Variants in CDC7 observed in about 807,000 individuals in gnomAD.
CDC7 encodes the protein cell division cycle 7, also known as cell division cycle 7-related protein kinase.
A neutral mutation model predicts 53.5 loss-of-function variants in CDC7; 34 were observed. The observed-to-expected ratio is 0.64, with a 90% CI of 0.48 to 0.85. CDC7 has a LOEUF of 0.85. CDC7 is among the 40% of genes least tolerant of loss of function. CDC7 has a pLI of 0.00. For synonymous variants in CDC7, 211 were observed against 222.8 expected (o/e 0.95, Z 0.47); for missense variants, 594 against 679.7 (o/e 0.87, Z 1.40).
intron 1 of CDC7, chr1:91,501,435 C>T (rs1666667518): frequency 2.9e-6 from 1 of 341,132 alleles, no homozygotes. Flanking sequence ...GCGCGGGTGC[C>T]CAAGCCGGGA....
At chr1:91,516,531 A>G (rs953394913) in intron 10 of CDC7, among the ~76,000 whole-genome samples, 2 of 152,208 alleles carry the variant, frequency 1.3e-5, no homozygotes, top group African/African-American at 2.4e-5. Flanking sequence ...ACAAATAAAT[A>G]AATGAGACCA....
Position 91,513,151 on chromosome 1 carries a change from G to T in CDC7, c.666G>T (p.Arg222Ser). 1 of 1,613,660 alleles carries T rather than the reference G, an allele frequency of 6.2e-7. No individual in the cohort carries two copies. Among genetic ancestry groups the T allele is most frequent in the South Asian group, 1.1e-5 (1 of 91,058 alleles). The part of the protein sequence containing the change: ...KFVQSEAQQE[R>S]CSQNKSHIIT... Reference sequence around the variant, plus strand: ...TCCAGTCTGAAGCTCAGCAGGAAAGGTGTTCACAAAACAAATCCCACATAA... The same window carrying T: ...TCCAGTCTGAAGCTCAGCAGGAAAGTTGTTCACAAAACAAATCCCACATAA... The change falls in exon 7 of 12, where the codon AGG becomes AGT. Residue 222 changes from arginine to serine, a missense_variant. Transcript: ENST00000234626.
chr1:91,516,381 C>T (rs1667560613), intron 10 of CDC7, among the ~76,000 whole-genome samples: 1 of 152,038 alleles, frequency 6.6e-6, no homozygotes, highest in Non-Finnish European at 1.5e-5. Flanking sequence ...AAAATGTCTT[C>T]CGTAATCTAA....
intron 2 of CDC7, 96 bp downstream of exon 2, chr1:91,501,927 TAAAGTGAA>T: frequency 2.3e-6 from 2 of 887,684 alleles, no homozygotes; most frequent in Non-Finnish European, 3.6e-6. Context: ...TTGAATCTTA[TAAAGTGAA>T]TTGTATGTTT....
In CDC7 at chr1:91,508,274, C is replaced by G. The variant is rs201145139; in HGVS notation, c.212C>G (p.Ser71Cys). Reference sequence around the variant, plus strand: ...AATTGTTTTACAGGCACTTTCAGCTCTGTTTATTTGGCCACAGCACAGTTA... The same window carrying G: ...AATTGTTTTACAGGCACTTTCAGCTGTGTTTATTTGGCCACAGCACAGTTA... ...EDKIGEGTFS[S>C]VYLATAQLQV... is the part of the protein sequence containing the mutation. The change falls in exon 4 of 12, where the codon TCT (serine) becomes TGT (cysteine). Residue 71 changes from serine to cysteine, a missense_variant. Transcript: ENST00000234626. 108 of 1,597,416 alleles carry G rather than the reference C, an allele frequency of 6.8e-5. No individual in the cohort carries two copies. In the Middle Eastern group the frequency reaches 1.2e-3, roughly 17 times the overall value.
rs1668221629 is a variant in CDC7 at position 91,525,504 on chromosome 1, A to G, written c.*1069A>G. The G allele has an allele frequency of 6.6e-6, 1 of 152,268 alleles. No homozygotes were observed. The highest frequency in any genetic ancestry group is 6.5e-5 in the Admixed American group (1 of 15,298). The allele number at this position is 152,268 out of a possible 1,614,324, so 9.4% of individuals were successfully genotyped here. A position where few individuals can be genotyped will look rare whatever the true frequency, so the allele number is the denominator to read the frequency against. ...GGTATATATCAATGACAGCATATCA[A>G]ACTTCCTATGGGAAAAAGTCTGGTG... On this transcript the variant is annotated 3_prime_UTR_variant, in exon 12 of 12. Transcript: ENST00000234626.
chr1:91,507,974 T>C (rs1453058452), intron 3 of CDC7, 37 bp downstream of exon 3: 5 of 1,514,646 alleles, frequency 3.3e-6, no homozygotes, highest in Non-Finnish European at 4.4e-6. Flanking sequence ...TTTTACGAGG[T>C]CTTTTTTCCA....
intron 11 of CDC7, among the ~76,000 whole-genome samples, chr1:91,522,206 G>A (rs760672306): frequency 9.9e-5 from 15 of 152,094 alleles, no homozygotes; most frequent in Non-Finnish European, 2.1e-4. Context: ...ACTTGTCTCA[G>A]TTGTATTAGT....
chr1:91,508,746 A>G (rs1176532065), intron 4 of CDC7, among the ~76,000 whole-genome samples: 2 of 152,106 alleles, frequency 1.3e-5, no homozygotes, highest in East Asian at 1.9e-4. Flanking sequence ...CTCATCTAAT[A>G]TTTTATTTAG....
chr1:91,509,070 A>G (rs1667132097), intron 4 of CDC7, among the ~76,000 whole-genome samples: 1 of 151,778 alleles, frequency 6.6e-6, no homozygotes, highest in Non-Finnish European at 1.5e-5. Flanking sequence ...GTCCTGCCAC[A>G]CCCTCCTTGT....
chr1:91,513,665 A>G (rs1667403706), intron 7 of CDC7, among the ~76,000 whole-genome samples: 1 of 152,206 alleles, frequency 6.6e-6, no homozygotes, highest in Non-Finnish European at 1.5e-5. Context: ...TGAAGTGTCT[A>G]TCTCCATTTT....
chr1:91,505,365 G>A (rs998615660), intron 2 of CDC7, among the ~76,000 whole-genome samples: 2 of 152,130 alleles, frequency 1.3e-5, no homozygotes, highest in Non-Finnish European at 2.9e-5. Flanking sequence ...GTGACAAGGT[G>A]ACTTAGCTTT....
chr1:91,521,066 A>G (rs1035819783), intron 11 of CDC7, among the ~76,000 whole-genome samples: 3 of 152,204 alleles, frequency 2.0e-5, no homozygotes, highest in Non-Finnish European at 4.4e-5. Context: ...TCAGCTTACT[A>G]CCATACAATA....
At chr1:91,516,236 A>G (rs911782737) in intron 10 of CDC7, among the ~76,000 whole-genome samples, 5 of 152,158 alleles carry the variant, frequency 3.3e-5, no homozygotes, top group African/African-American at 1.2e-4. Flanking sequence ...TTTGCCAGCC[A>G]AAGACTTAAA....
In CDC7 at chr1:91,508,414, T is replaced by A. The variant is rs368792952; in HGVS notation, c.335+17T>A. 100 of 1,591,140 alleles carry A rather than the reference T, an allele frequency of 6.3e-5. No homozygotes were observed. In the South Asian group the frequency reaches 1.1e-3, roughly 17 times the overall value. ...AGTGGCTGGGTAGGCAATTTAAACATATTTTAATTGAACTTGTATATAATT... is the reference window on the plus strand; with the variant it reads ...AGTGGCTGGGTAGGCAATTTAAACAAATTTTAATTGAACTTGTATATAATT... On this transcript the variant is annotated intron_variant, in intron 4 of 11. Transcript: ENST00000234626.
rs1454858854 is a variant in CDC7 at position 91,525,721 on chromosome 1, CTTGAATT to C, written c.*1288_*1294del. 6.6e-6 allele frequency: 1 copy of C among 151,660 alleles called. No individual in the cohort carries two copies. Among genetic ancestry groups the C allele is most frequent in the Admixed American group, 6.6e-5 (1 of 15,214 alleles). 9.4% of individuals were successfully genotyped at this position (151,660 alleles called of 1,614,324 possible). On this transcript the variant is annotated 3_prime_UTR_variant, in exon 12 of 12. Transcript: ENST00000234626. ...TAATCTTAAAAAAAATTTGAATGCTCTTGAATTTGTATATTCAATAAAGTTATCCTTT... is the reference window on the plus strand; with the variant it reads ...TAATCTTAAAAAAAATTTGAATGCTCTGTATATTCAATAAAGTTATCCTTT...
rs1012214885 is a variant in CDC7, at chr1:91,523,889, T to A, written c.1331-152T>A. ...TAAATATAGCATGTGGTGCTCTATC[T>A]CATACTGTGTGTGTGTGTGTGTGTG... On this transcript the variant is annotated intron_variant, in intron 11 of 11. Coordinates refer to ENST00000234626, the MANE Select transcript of CDC7 (RefSeq NM_003503.4). 7.6e-6 allele frequency: 4 copies of A among 527,422 alleles called. No individual in the cohort carries two copies. The African/African-American group carries it at 1.3e-4, about 17-fold the overall frequency. The allele number at this position is 527,422 out of a possible 1,614,324, so 32.7% of individuals were successfully genotyped here.
chr1:91,512,891 T>A (rs1259695501), intron 6 of CDC7, among the ~76,000 whole-genome samples, 167 bp from the exon 7 acceptor site: 1 of 152,186 alleles, frequency 6.6e-6, no homozygotes, highest in Non-Finnish European at 1.5e-5. Context: ...GTTAAATTCT[T>A]ACTTTGTCTG....
Position 91,511,788 on chromosome 1 carries a change from T to C in CDC7, c.437T>C (p.Leu146Pro). The change falls in exon 6 of 12, where the codon CTG becomes CCG. Residue 146 changes from leucine to proline, a missense_variant. Leu to Pro is a moderately conservative substitution (Grantham distance 98, BLOSUM62 -3). Coordinates refer to ENST00000234626, the MANE Select transcript of CDC7 (RefSeq NM_003503.4). ...YLEHESFLDILNSLSFQEVRE... is the reference protein window; with the variant it reads ...YLEHESFLDIPNSLSFQEVRE... ...TTTGTAACTTTGTTTTAGGACATTC[T>C]GAATTCTCTTTCCTTTCAAGAAGTA... 1.9e-6 allele frequency: 3 copies of C among 1,603,922 alleles called. No individual in the cohort carries two copies. Among genetic ancestry groups the C allele is most frequent in the Non-Finnish European group, 2.6e-6 (3 of 1,172,962 alleles).
Sources: allele counts gnomAD v4.1 joint callset (sites outside exome capture counted in the v4.1 genomes callset), GRCh38; gene constraint gnomAD v4.1.1; transcripts MANE v1.5; gene names NCBI Gene and HGNC (gene_info 2026-07-23, HGNC 2026-07-21).